MEX3A: variants seen among roughly 807,000 people sequenced by gnomAD.
The protein encoded by MEX3A is RNA-binding protein MEX3A.
A neutral mutation model predicts 30.0 loss-of-function variants in MEX3A; 4 were observed. That is an observed-to-expected ratio of 0.13 (90% CI 0.07 to 0.30). The LOEUF (loss-of-function observed/expected upper bound fraction) is 0.30, where lower values mean the gene tolerates loss of function less well. Among genes scored for constraint, MEX3A ranks in the 10% least tolerant of loss-of-function variants. MEX3A has a pLI of 1.00. For missense variants in MEX3A, 555 were observed against 736.7 expected (o/e 0.75, Z 2.86); for synonymous variants, 335 against 327.6 (o/e 1.02, Z -0.24).
chr1:156,082,154 AAGAT>A lies in MEX3A; in HGVS notation c.-160_-157del, dbSNP rs894369946. ...GGAGGGGGGAAGAAAGCGAGATAGA[AAGAT>A]AGACCCTCCCCCTAAGCCCCCCTCC... is the stretch of plus-strand genomic sequence containing the variant. On this transcript the variant is annotated 5_prime_UTR_variant, in exon 1 of 2. Transcript: ENST00000532414. Among the ~76,000 whole-genome samples, 7 of 148,556 alleles carry A rather than the reference AAGAT, an allele frequency of 4.7e-5. No homozygotes were observed. Among genetic ancestry groups the A allele is most frequent in the African/African-American group, 1.0e-4 (4 of 40,144 alleles).
At position 156,076,883 on chromosome 1, in the gene MEX3A, G is replaced by A. The variant is rs767724681; in HGVS notation, c.1254C>T (p.Ala418=). Residue 418 remains alanine (A), a synonymous_variant, in exon 2 of 2, where the codon GCC becomes GCT. Coordinates refer to ENST00000532414, the MANE Select transcript of MEX3A (RefSeq NM_001093725.2). The surrounding 1 kb of genome is among the most constrained non-coding windows in gnomAD (Gnocchi z 6.0). ...GGTGTGCGCCCGGGGGCCCAGCGCG[G>A]GCCTTGGCGGAAGAGGAGGAGGAGG... ...ASSSSSSSAK[A]RAGPPGAHRS... The A allele has an allele frequency of 6.5e-6, 10 of 1,544,966 alleles. No homozygotes were observed. Among genetic ancestry groups the A allele is most frequent in the Non-Finnish European group, 7.9e-6 (9 of 1,145,346 alleles).
At chr1:156,080,581 A>G (rs904274930) in intron 1 of MEX3A, among the ~76,000 whole-genome samples, 3 of 151,622 alleles carry the variant, frequency 2.0e-5, no homozygotes, top group African/African-American at 4.9e-5. Flanking sequence ...AAGCCAGGAG[A>G]GGGAAGGGTC....
At chr1:156,079,604 C>CT (rs1648164612) in intron 1 of MEX3A, among the ~76,000 whole-genome samples, 1 of 152,158 alleles carries the variant, frequency 6.6e-6, no homozygotes, top group South Asian at 2.1e-4. Context: ...GAAGTCCTAC[C>CT]TGTTGTCCAG....
At position 156,074,602 on chromosome 1, in the gene MEX3A, T is replaced by A. The variant is rs1180712022; in HGVS notation, c.*1972A>T. On this transcript the variant is annotated 3_prime_UTR_variant, in exon 2 of 2. Coordinates refer to ENST00000532414, the MANE Select transcript of MEX3A (RefSeq NM_001093725.2). Reference sequence around the variant, plus strand: ...CTAGTGTAACAGTCTTCTGCCTTTGTGGGTAAAGAGTGGAGAGGGGGAGGG... The same window carrying A: ...CTAGTGTAACAGTCTTCTGCCTTTGAGGGTAAAGAGTGGAGAGGGGGAGGG... The A allele has an allele frequency of 6.5e-6, 1 of 152,828 alleles. No homozygotes were observed. The highest frequency in any genetic ancestry group is 1.5e-5 in the Non-Finnish European group (1 of 68,018). The allele number at this position is 152,828 out of a possible 1,614,324, so 9.5% of individuals were successfully genotyped here.
intron 1 of MEX3A, 95 bp downstream of exon 1, chr1:156,081,450 G>A (rs1443827429): frequency 3.6e-6 from 4 of 1,100,390 alleles, no homozygotes; most frequent in Non-Finnish European, 4.0e-6. Flanking sequence ...GGACAGAGCC[G>A]GAGGCGGGCA....
At position 156,072,019 on chromosome 1, in the gene MEX3A, A is replaced by C. The variant is rs968654584; in HGVS notation, c.*4555T>G. 1 of 152,802 alleles carries C rather than the reference A, an allele frequency of 6.5e-6. No individual in the cohort carries two copies. Among genetic ancestry groups the C allele is most frequent in the African/African-American group, 2.4e-5 (1 of 41,462 alleles). The allele number at this position is 152,802 out of a possible 1,614,324, so 9.5% of individuals were successfully genotyped here. Reference sequence around the variant, plus strand: ...AGAGAACGAAGACAGAGCCTTAAGTAATAGTACTTTTAATAAAATTAAGTT... The same window carrying C: ...AGAGAACGAAGACAGAGCCTTAAGTCATAGTACTTTTAATAAAATTAAGTT... On this transcript the variant is annotated 3_prime_UTR_variant, in exon 2 of 2. Coordinates refer to ENST00000532414, the MANE Select transcript of MEX3A (RefSeq NM_001093725.2).
Position 156,076,492 on chromosome 1 carries a change from A to G in MEX3A, c.*82T>C, listed in dbSNP as rs1003408773. 4.9e-6 allele frequency: 7 copies of G among 1,419,854 alleles called. No individual in the cohort carries two copies. Among genetic ancestry groups the G allele is most frequent in the Non-Finnish European group, 5.7e-6 (6 of 1,051,478 alleles). The allele number at this position is 1,419,854 out of a possible 1,614,324, so 88.0% of individuals were successfully genotyped here. On this transcript the variant is annotated 3_prime_UTR_variant, in exon 2 of 2. Transcript: ENST00000532414. This position sits in a 1 kb window ranked among gnomAD's most constrained non-coding sequence, Gnocchi z 6.0. ...CTCTAAGCACCTTGCCCCTCAAATC[A>G]CCGCTTTCCAAAAGGCTTTAGTGGA...
In MEX3A at chr1:156,081,890, C is replaced by A; in HGVS notation, c.109G>T (p.Ala37Ser). 1 of 1,515,890 alleles carries A rather than the reference C, an allele frequency of 6.6e-7. No individual in the cohort carries two copies. The highest frequency in any genetic ancestry group is 8.8e-7 in the Non-Finnish European group (1 of 1,129,954). 93.9% of individuals were successfully genotyped at this position (1,515,890 alleles called of 1,614,324 possible). ...AGTTGATCGAGAGCCAGCTGAAGGG[C>A]GCGCTCGTCTTCCAGCAGCCCTCGG... ...KDRGLLEDER[A>S]LQLALDQLCL... The change falls in exon 1 of 2, where the codon GCC (alanine) becomes TCC (serine). Residue 37 changes from alanine to serine, a missense_variant. Coordinates refer to ENST00000532414, the MANE Select transcript of MEX3A (RefSeq NM_001093725.2).
rs1305445412 is a variant in MEX3A at position 156,081,804 on chromosome 1, C to G, written c.195G>C (p.Gly65=). The change falls in exon 1 of 2, where the codon GGG becomes GGC. Residue 65 remains glycine, a synonymous_variant. Transcript: ENST00000532414. ...APTAGEDGGG[G]GGGAPAQPAA... ...CCGGCTGCGCGGGGGCGCCGCCCCC[C>G]CCACCTCCCCCGTCCTCGCCCGCCG... is the stretch of plus-strand genomic sequence containing the variant. The G allele has an allele frequency of 1.7e-6, 2 of 1,182,082 alleles. No individual in the cohort carries two copies. Among genetic ancestry groups the G allele is most frequent in the South Asian group, 2.8e-5 (1 of 36,334 alleles). 73.2% of individuals were successfully genotyped at this position (1,182,082 alleles called of 1,614,324 possible).
At position 156,077,133 on chromosome 1, in the gene MEX3A, C is replaced by G. The variant is rs769046787; in HGVS notation, c.1004G>C (p.Arg335Pro). ...GCCGATGCAGCCCAGGCTGTTCTGC[C>G]GGAAGGTGGAGAGGGGCTTGCAGCC... is the stretch of plus-strand genomic sequence containing the variant. Reference protein sequence around the residue: ...QPGCKPLSTFRQNSLGCIGEC... With the variant: ...QPGCKPLSTFPQNSLGCIGEC... Residue 335 changes from arginine to proline, a missense_variant, in exon 2 of 2, where the codon CGG (arginine) becomes CCG (proline). Around this residue, in one of 6 missense-constraint regions of MEX3A, gnomAD observed 281 missense variants for 265.1 expected, o/e 1.06. Transcript: ENST00000532414. The surrounding 1 kb of genome is among the most constrained non-coding windows in gnomAD (Gnocchi z 8.3). 6.2e-7 allele frequency: 1 copy of G among 1,613,652 alleles called. No homozygotes were observed. Among genetic ancestry groups the G allele is most frequent in the African/African-American group, 1.3e-5 (1 of 74,952 alleles).
chr1:156,075,368 T>G lies in MEX3A; in HGVS notation c.*1206A>C, dbSNP rs375182727. The G allele has an allele frequency of 1.3e-5, 2 of 152,260 alleles. No individual in the cohort carries two copies. The highest frequency in any genetic ancestry group is 3.8e-4 in the East Asian group (2 of 5,326). The allele number at this position is 152,260 out of a possible 1,614,324, so 9.4% of individuals were successfully genotyped here. A position where few individuals can be genotyped will look rare whatever the true frequency, so the allele number is the denominator to read the frequency against. On this transcript the variant is annotated 3_prime_UTR_variant, in exon 2 of 2. Transcript: ENST00000532414. ...TCTTCCCTCCACCAGTCTCTCCTCCTGCCTCACGCCCTTTCCTGCTCCTTT... is the reference window on the plus strand; with the variant it reads ...TCTTCCCTCCACCAGTCTCTCCTCCGGCCTCACGCCCTTTCCTGCTCCTTT...
Position 156,076,489 on chromosome 1 carries a change from A to T in MEX3A, c.*85T>A. The T allele has an allele frequency of 4.2e-6, 6 of 1,420,652 alleles. No individual in the cohort carries two copies. The South Asian group carries it at 8.4e-5, about 20-fold the overall frequency. 88.0% of individuals were successfully genotyped at this position (1,420,652 alleles called of 1,614,324 possible). ...TATCTCTAAGCACCTTGCCCCTCAA[A>T]TCACCGCTTTCCAAAAGGCTTTAGT... is the stretch of plus-strand genomic sequence containing the variant. On this transcript the variant is annotated 3_prime_UTR_variant, in exon 2 of 2. Coordinates refer to ENST00000532414, the MANE Select transcript of MEX3A (RefSeq NM_001093725.2). The surrounding 1 kb of genome is among the most constrained non-coding windows in gnomAD (Gnocchi z 6.0).
Position 156,077,612 on chromosome 1 carries a change from T to C in MEX3A, c.525A>G (p.Pro175=), listed in dbSNP as rs1244293293. ...CCCGTCGCCCTGTCACCATGAACACTGGTTCCTCGCCCCTCACCGGTGTCT... is the reference window on the plus strand; with the variant it reads ...CCCGTCGCCCTGTCACCATGAACACCGGTTCCTCGCCCCTCACCGGTGTCT... ...YIKTPVRGEE[P]VFMVTGRRED... The change falls in exon 2 of 2, where the codon CCA becomes CCG. Residue 175 remains proline, a synonymous_variant. Transcript: ENST00000532414. The surrounding 1 kb of genome is among the most constrained non-coding windows in gnomAD (Gnocchi z 8.3). 6.2e-7 allele frequency: 1 copy of C among 1,609,882 alleles called. No individual in the cohort carries two copies. The highest frequency in any genetic ancestry group is 2.2e-5 in the East Asian group (1 of 44,874).
chr1:156,072,274 C>A lies in MEX3A; in HGVS notation c.*4300G>T, dbSNP rs1277465509. 4 of 152,668 alleles carry A rather than the reference C, an allele frequency of 2.6e-5. No individual in the cohort carries two copies. The highest frequency in any genetic ancestry group is 2.6e-4 in the Admixed American group (4 of 15,272). The allele number at this position is 152,668 out of a possible 1,614,324, so 9.5% of individuals were successfully genotyped here. ...CAGTGGAGAGACCATCCTCCCTGCC[C>A]CAGGGCTGTCTCCACCCACCCCCCC... On this transcript the variant is annotated 3_prime_UTR_variant, in exon 2 of 2. Transcript: ENST00000532414.
chr1:156,078,697 C>A (rs567450877), intron 1 of MEX3A, among the ~76,000 whole-genome samples: 1 of 152,200 alleles, frequency 6.6e-6, no homozygotes, highest in African/African-American at 2.4e-5. Flanking sequence ...CCTTACCCAC[C>A]TTCCTCTTCC....
chr1:156,078,590 C>G (rs1648134273), intron 1 of MEX3A, among the ~76,000 whole-genome samples: 1 of 152,026 alleles, frequency 6.6e-6, no homozygotes, highest in Non-Finnish European at 1.5e-5. Context: ...AAAAATGAGA[C>G]AAAGAGAGAC....
At position 156,081,738 on chromosome 1, in the gene MEX3A, C is replaced by T; in HGVS notation, c.261G>A (p.Ala87=). ...GGGCCGCCGTCGGGGCGGCCGGGGG[C>T]GCCGCGGGCGGCGGCGGCGGGGCCG... ...PQPAPPPPPA[A]PPAAPTAAPA... Residue 87 remains alanine, a synonymous_variant, in exon 1 of 2, where the codon GCG becomes GCA. Transcript: ENST00000532414. The T allele has an allele frequency of 2.2e-6, 2 of 894,636 alleles. No individual in the cohort carries two copies. The highest frequency in any genetic ancestry group is 2.7e-6 in the Non-Finnish European group (2 of 746,600). The allele number at this position is 894,636 out of a possible 1,614,324, so 55.4% of individuals were successfully genotyped here. A position where few individuals can be genotyped will look rare whatever the true frequency, so the allele number is the denominator to read the frequency against.
At position 156,074,907 on chromosome 1, in the gene MEX3A, CAGG is replaced by C. The variant is rs1302272422; in HGVS notation, c.*1664_*1666del. The C allele has an allele frequency of 6.5e-6, 1 of 152,778 alleles. No individual in the cohort carries two copies. Among genetic ancestry groups the C allele is most frequent in the Non-Finnish European group, 1.5e-5 (1 of 68,068 alleles). The allele number at this position is 152,778 out of a possible 1,614,324, so 9.5% of individuals were successfully genotyped here. On this transcript the variant is annotated 3_prime_UTR_variant, in exon 2 of 2. Transcript: ENST00000532414. Reference sequence around the variant, plus strand: ...CCTCTGCACCTCCACCTGCTCCATCCAGGAAGAATGGGACTCTGGAGCTTTAAG... The same window carrying C: ...CCTCTGCACCTCCACCTGCTCCATCCAAGAATGGGACTCTGGAGCTTTAAG...
At chr1:156,081,475 G>T in intron 1 of MEX3A, 70 bp downstream of exon 1, 1 of 1,369,302 alleles carries the variant, frequency 7.3e-7, no homozygotes, top group South Asian at 1.2e-5. Flanking sequence ...GGGAAGAAAT[G>T]AACTTTCCGC....
Sources: gnomAD v4.1 joint callset for allele counts (sites outside exome capture counted in the v4.1 genomes callset) on GRCh38, gnomAD v4.1.1 for gene constraint, gnomAD v4.1.1 regional missense constraint, Gnocchi (gnomAD v3.1) non-coding constraint, MANE v1.5 for transcripts, NCBI Gene and HGNC (gene_info 2026-07-23, HGNC 2026-07-21) for gene names.